Variants in MAPK10 observed in about 807,000 individuals in gnomAD.
MAPK10 encodes JNK3 alpha protein kinase.
A neutral mutation model predicts 59.3 loss-of-function variants in MAPK10; 25 were observed. The observed-to-expected ratio is 0.42, with a 90% CI of 0.31 to 0.59. The LOEUF is 0.59. MAPK10 is among the 20% of genes least tolerant of loss of function. The pLI is 0.15. For synonymous variants in MAPK10, 190 were observed against 200.5 expected (o/e 0.95, Z 0.44); for missense variants, 351 against 568.9 (o/e 0.62, Z 3.90).
At chr4:86,339,361 C>T (rs573206126) in intron 2 of MAPK10, among the ~76,000 whole-genome samples, 1 of 152,294 alleles carries the variant, frequency 6.6e-6, no homozygotes, top group East Asian at 1.9e-4. Context: ...GGACTGAAGG[C>T]TTCATTTTCA....
intron 11 of MAPK10, among the ~76,000 whole-genome samples, chr4:86,056,438 T>C (rs2044556025): frequency 6.7e-6 from 1 of 150,118 alleles, no homozygotes; most frequent in Non-Finnish European, 1.5e-5. Flanking sequence ...TATAATCAAA[T>C]ATATTTATAA....
At chr4:86,416,053 C>T (rs1171352311) in intron 1 of MAPK10, among the ~76,000 whole-genome samples, 4 of 152,158 alleles carry the variant, frequency 2.6e-5, no homozygotes, top group Non-Finnish European at 5.9e-5. Context: ...AAAATGCATA[C>T]GTTGAAGCCC....
intron 1 of MAPK10, among the ~76,000 whole-genome samples, chr4:86,528,119 C>T (rs1713701720): frequency 6.6e-6 from 1 of 152,114 alleles, no homozygotes; most frequent in Non-Finnish European, 1.5e-5. Context: ...GCTCATGTAA[C>T]AAACCTGTGC....
At chr4:86,169,391 C>G (rs146419924) in intron 3 of MAPK10, among the ~76,000 whole-genome samples, 20,955 of 152,086 alleles carry the variant, frequency 0.14, 1,476 homozygotes, top group African/African-American at 0.16. Context: ...AGCTGAAAGC[C>G]AAGGCTCCAG....
At chr4:86,164,231 C>T (rs1361719891) in intron 3 of MAPK10, among the ~76,000 whole-genome samples, 1 of 152,024 alleles carries the variant, frequency 6.6e-6, no homozygotes, top group African/African-American at 2.4e-5. Flanking sequence ...TGTATGGTTC[C>T]ATAAAGGATT....
intron 1 of MAPK10, among the ~76,000 whole-genome samples, chr4:86,543,408 T>G (rs963955748): frequency 6.6e-6 from 1 of 152,208 alleles, no homozygotes; most frequent in African/African-American, 2.4e-5. Context: ...CCTGGCTTGT[T>G]GGGAACAAAC....
intron 1 of MAPK10, among the ~76,000 whole-genome samples, chr4:86,543,791 A>C (rs1402734803): frequency 6.6e-6 from 1 of 152,198 alleles, no homozygotes; most frequent in Non-Finnish European, 1.5e-5. Context: ...GGAATGTTTC[A>C]AGAAGGGATC....
At chr4:86,163,680 A>T (rs2070636237) in intron 3 of MAPK10, among the ~76,000 whole-genome samples, 1 of 152,190 alleles carries the variant, frequency 6.6e-6, no homozygotes, top group Non-Finnish European at 1.5e-5. Context: ...GATAAGGCCA[A>T]GAATCTGTAC....
intron 2 of MAPK10, among the ~76,000 whole-genome samples, chr4:86,349,404 C>A (rs928031793): frequency 1.3e-5 from 2 of 152,212 alleles, no homozygotes; most frequent in South Asian, 2.1e-4. Flanking sequence ...TTTCTTTTGT[C>A]AATCATTCAA....
intron 2 of MAPK10, among the ~76,000 whole-genome samples, chr4:86,208,010 G>A (rs1047323636): frequency 3.3e-5 from 5 of 151,932 alleles, no homozygotes; most frequent in Admixed American, 6.6e-5. Context: ...TAAATTCCTC[G>A]ACACATACAC....
chr4:86,176,737 G>GA (rs547511495), intron 3 of MAPK10, among the ~76,000 whole-genome samples: 58 of 152,080 alleles, frequency 3.8e-4, no homozygotes, highest in African/African-American at 1.4e-3. Context: ...TGGATACCCA[G>GA]AAAAAACCTA....
intron 1 of MAPK10, among the ~76,000 whole-genome samples, chr4:86,419,731 G>A (rs935717066): frequency 6.6e-6 from 1 of 152,092 alleles, no homozygotes; most frequent in Admixed American, 6.5e-5. Flanking sequence ...TCACCTCTCA[G>A]TGTGCCATTT....
At chr4:86,470,790 A>G (rs942027021) in intron 1 of MAPK10, among the ~76,000 whole-genome samples, 1 of 152,194 alleles carries the variant, frequency 6.6e-6, no homozygotes, top group Non-Finnish European at 1.5e-5. Flanking sequence ...ATTTCTTTTT[A>G]AAAAATTATT....
chr4:86,319,513 G>A (rs1461385029), intron 2 of MAPK10, among the ~76,000 whole-genome samples: 1 of 152,170 alleles, frequency 6.6e-6, no homozygotes. Flanking sequence ...TTATGAGAAA[G>A]TCAGCCCCTA....
At chr4:86,323,079 C>T (rs1413751020) in intron 2 of MAPK10, among the ~76,000 whole-genome samples, 1 of 152,184 alleles carries the variant, frequency 6.6e-6, no homozygotes, top group Non-Finnish European at 1.5e-5. Context: ...GGGGCTGAGG[C>T]AGGAGAATCT....
At chr4:86,283,830 G>T (rs1047319231) in intron 2 of MAPK10, among the ~76,000 whole-genome samples, 1 of 152,196 alleles carries the variant, frequency 6.6e-6, no homozygotes, top group Admixed American at 6.5e-5. Context: ...TATATAAAGT[G>T]TGTGAAATAA....
At chr4:86,129,492 A>G (rs1220926328) in intron 4 of MAPK10, among the ~76,000 whole-genome samples, 1 of 152,192 alleles carries the variant, frequency 6.6e-6, no homozygotes, top group Non-Finnish European at 1.5e-5. Flanking sequence ...TTTGGTCCAT[A>G]TAGTAGTCTT....
intron 2 of MAPK10, among the ~76,000 whole-genome samples, chr4:86,216,790 AT>A (rs1263673564): frequency 1.3e-5 from 2 of 152,096 alleles, no homozygotes; most frequent in Admixed American, 6.5e-5. Context: ...GAGTATTACA[AT>A]ATGTCCCCAA....
chr4:86,103,348 T>G, intron 5 of MAPK10, 104 bp from the exon 6 acceptor site: 1 of 652,670 alleles, frequency 1.5e-6, no homozygotes, highest in Non-Finnish European at 2.7e-6. Context: ...ACTAGTGCTA[T>G]GGCAGAAATG....
Sources: allele counts gnomAD v4.1 joint callset (sites outside exome capture counted in the v4.1 genomes callset), GRCh38; gene constraint gnomAD v4.1.1; transcripts MANE v1.5; gene names NCBI Gene and HGNC (gene_info 2026-07-23, HGNC 2026-07-21).